Variants in PCDHA3 observed in about 807,000 individuals in gnomAD.
PCDHA3 encodes protocadherin alpha 3.
In PCDHA3, 41 loss-of-function variants were observed where a neutral mutation model predicts 62.2. That is an observed-to-expected ratio of 0.66 (90% CI 0.51 to 0.86). The LOEUF (loss-of-function observed/expected upper bound fraction) is 0.86, where lower values mean the gene tolerates loss of function less well. PCDHA3 is among the 40% of genes least tolerant of loss of function. The pLI is 0.00. For synonymous variants in PCDHA3, 640 were observed against 555.4 expected, an observed-to-expected ratio of 1.15 and a Z score of -2.14; for missense variants, 1,304 against 1,241.2, an observed-to-expected ratio of 1.05 and a Z score of -0.76.
chr5:140,877,032 G>A (rs2056800154), intron 1 of PCDHA3: 1 of 1,612,266 alleles, frequency 6.2e-7, no homozygotes, highest in African/African-American at 1.3e-5. Flanking sequence ...TGTACGCGCT[G>A]CAGCCGCTAG....
intron 1 of PCDHA3, among the ~76,000 whole-genome samples, chr5:140,932,852 T>C (rs2088679496): frequency 1.3e-5 from 2 of 151,996 alleles, no homozygotes; most frequent in Non-Finnish European, 2.9e-5. Flanking sequence ...ATAATGTTAA[T>C]GACTTATTGT....
Position 140,869,089 on chromosome 5 carries a change from C to A in PCDHA3, c.2394+65498C>A, listed in dbSNP as rs141432478. On this transcript the variant is annotated intron_variant, in intron 1 of 3. Coordinates refer to ENST00000522353, the MANE Select transcript of PCDHA3 (RefSeq NM_018906.3). Reference sequence around the variant, plus strand: ...AGTGTAAAGAAGCTTATTTTGGAAGCCAATTTCGTATGCGATGTTTGGTTT... The same window carrying A: ...AGTGTAAAGAAGCTTATTTTGGAAGACAATTTCGTATGCGATGTTTGGTTT... 9.7e-5 allele frequency: 154 copies of A among 1,588,996 alleles called. No individual in the cohort carries two copies. The East Asian group carries it at 3.4e-3, about 35-fold the overall frequency.
intron 1 of PCDHA3, among the ~76,000 whole-genome samples, chr5:140,976,409 G>C (rs1208759254): frequency 6.6e-6 from 1 of 152,064 alleles, no homozygotes; most frequent in African/African-American, 2.4e-5. Flanking sequence ...AAATTAGCCA[G>C]GTACGGTGGC....
chr5:140,834,797 G>T lies in PCDHA3; in HGVS notation c.2394+31206G>T, dbSNP rs782512269. The T allele has an allele frequency of 3.1e-6, 5 of 1,612,908 alleles. No individual in the cohort carries two copies. The South Asian group carries it at 5.5e-5, about 18-fold the overall frequency. ...CTCCGGTGTTCCCAGCGACACAAAG[G>T]AATCTGTTCATCGCGGAATCCAGGC... On this transcript the variant is annotated intron_variant, in intron 1 of 3. Transcript: ENST00000522353.
intron 1 of PCDHA3, chr5:140,808,881 T>G (rs1344157467): frequency 2.5e-6 from 4 of 1,613,196 alleles, no homozygotes; most frequent in Non-Finnish European, 3.4e-6. Context: ...GCGCCAGCAC[T>G]GCTAGCGCCT....
intron 1 of PCDHA3, chr5:140,816,337 C>T (rs1459118392): frequency 6.6e-6 from 1 of 152,084 alleles, no homozygotes; most frequent in Non-Finnish European, 1.5e-5. Context: ...TTCTTCAGTT[C>T]CAAAATTTCT....
chr5:140,836,098 G>A, intron 1 of PCDHA3: 5 of 1,613,714 alleles, frequency 3.1e-6, no homozygotes, highest in Non-Finnish European at 4.2e-6. Context: ...CGGGTGGGTG[G>A]CACTGGTGGC....
rs200436467 is a variant in PCDHA3 at position 140,883,790 on chromosome 5, G to A, written c.2394+80199G>A. 640 of 1,612,406 alleles carry A rather than the reference G, an allele frequency of 4.0e-4. No individual in the cohort carries two copies. The highest frequency in any genetic ancestry group is 5.2e-4 in the Non-Finnish European group (616 of 1,179,760). ...GGGCGAGCGTGCGCTGTCGAGCTAC[G>A]TGTCGGTGCACGCGGAGAGCGGCAA... is the stretch of plus-strand genomic sequence containing the variant. On this transcript the variant is annotated intron_variant, in intron 1 of 3. Transcript: ENST00000522353.
At chr5:140,839,838 A>G (rs1257715116) in intron 1 of PCDHA3, among the ~76,000 whole-genome samples, 1 of 152,060 alleles carries the variant, frequency 6.6e-6, no homozygotes, top group Non-Finnish European at 1.5e-5. Flanking sequence ...TGATGAATCC[A>G]TGGAGAATTT....
intron 1 of PCDHA3, among the ~76,000 whole-genome samples, chr5:140,898,096 G>T (rs2066523889): frequency 6.6e-6 from 1 of 152,034 alleles, no homozygotes; most frequent in South Asian, 2.1e-4. Context: ...TTAGCCCTTT[G>T]TCAGATGAGT....
At chr5:140,807,005 C>A in intron 1 of PCDHA3, 1 of 751,302 alleles carries the variant, frequency 1.3e-6, no homozygotes, top group Non-Finnish European at 2.1e-6. Flanking sequence ...CGCTCTTTAC[C>A]ACAAAATACA....
chr5:140,977,429 C>T (rs143756065), intron 1 of PCDHA3, among the ~76,000 whole-genome samples: 9 of 152,228 alleles, frequency 5.9e-5, no homozygotes, highest in South Asian at 2.1e-4. Context: ...CCTCTAACAC[C>T]GCTAGTAGAT....
At chr5:140,891,232 C>T (rs1562856029) in intron 1 of PCDHA3, among the ~76,000 whole-genome samples, 1 of 151,946 alleles carries the variant, frequency 6.6e-6, no homozygotes, top group Non-Finnish European at 1.5e-5. Context: ...TCATCCTGTT[C>T]TGGATTCAGT....
intron 1 of PCDHA3, among the ~76,000 whole-genome samples, chr5:140,832,776 C>T (rs1336330219): frequency 4.6e-5 from 7 of 152,078 alleles, no homozygotes; most frequent in African/African-American, 1.7e-4. Flanking sequence ...GTAAGAGGTG[C>T]TAGAAAGGTA....
At chr5:140,805,192 G>A in intron 1 of PCDHA3, 1 of 1,461,762 alleles carries the variant, frequency 6.8e-7, no homozygotes. Context: ...AATAAATATT[G>A]AATAGCTACC....
intron 1 of PCDHA3, chr5:140,863,358 G>A (rs1432906108): frequency 8.0e-7 from 1 of 1,243,310 alleles, no homozygotes; most frequent in Non-Finnish European, 1.1e-6. Context: ...CGACGCTGCG[G>A]TGCTTGGCGC....
At chr5:140,850,110 G>T in intron 1 of PCDHA3, 1 of 1,596,146 alleles carries the variant, frequency 6.3e-7, no homozygotes, top group South Asian at 1.1e-5. Flanking sequence ...GAGCGCGCGC[G>T]ACGCGGGCGT....
intron 3 of PCDHA3, among the ~76,000 whole-genome samples, chr5:140,993,462 T>TCTCA (rs1235362335): frequency 6.4e-5 from 9 of 140,938 alleles, no homozygotes; most frequent in African/African-American, 2.1e-4. Context: ...TCTTTCTTTC[T>TCTCA]CACACACACA....
chr5:140,801,810 A>T lies in PCDHA3; in HGVS notation c.613A>T (p.Thr205Ser), dbSNP rs781955396. 8 of 1,614,012 alleles carry T rather than the reference A, an allele frequency of 5.0e-6. No individual in the cohort carries two copies. The highest frequency in any genetic ancestry group is 3.4e-6 in the Non-Finnish European group (4 of 1,180,022). ...GAAAAAAAATTTAAATCGAGAGGAC[A>T]CTCCTAAGCATTATTTACTAATAAC... ...VLKKNLNRED[T>S]PKHYLLITAI... Residue 205 changes from threonine to serine, a missense_variant, in exon 1 of 4, where the codon ACT becomes TCT. Thr to Ser is a moderately conservative substitution (Grantham distance 58). Transcript: ENST00000522353.
Sources: allele counts gnomAD v4.1 joint callset (sites outside exome capture counted in the v4.1 genomes callset), GRCh38; gene constraint gnomAD v4.1.1; transcripts MANE v1.5; gene names NCBI Gene and HGNC (gene_info 2026-07-23, HGNC 2026-07-21).